Variants in CNTNAP5 observed in about 807,000 individuals in gnomAD.
The protein encoded by CNTNAP5 is contactin-associated protein-like 5.
In CNTNAP5, 72 loss-of-function variants were observed where a neutral mutation model predicts 150.2. The ratio of observed to expected loss-of-function variants is 0.48; its 90% CI spans 0.40 to 0.58. The LOEUF (loss-of-function observed/expected upper bound fraction) is 0.58. Ranked by LOEUF, CNTNAP5 falls within the 20% of genes least tolerant of loss-of-function variation. The pLI is 0.00. For synonymous variants in CNTNAP5, 672 were observed against 619.8 expected, an observed-to-expected ratio of 1.08 and a Z score of -1.25; for missense variants, 1,636 against 1,626.2, an observed-to-expected ratio of 1.01 and a Z score of -0.10.
At chr2:124,392,993 A>G (rs554232269) in intron 3 of CNTNAP5, among the ~76,000 whole-genome samples, 1 of 152,308 alleles carries the variant, frequency 6.6e-6, no homozygotes, top group South Asian at 2.1e-4. Flanking sequence ...TTACTGTGTA[A>G]ACAATTTTTA....
intron 19 of CNTNAP5, among the ~76,000 whole-genome samples, chr2:124,811,245 T>C (rs1433883056): frequency 6.6e-6 from 1 of 151,956 alleles, no homozygotes; most frequent in Admixed American, 6.6e-5. Context: ...AATCAAGAAA[T>C]AACAACATAT....
intron 1 of CNTNAP5, among the ~76,000 whole-genome samples, chr2:124,152,119 G>T (rs973386697): frequency 2.6e-5 from 4 of 152,142 alleles, no homozygotes; most frequent in Admixed American, 1.3e-4. Flanking sequence ...TCTGAGAGAG[G>T]TAAAGCAACT....
intron 3 of CNTNAP5, among the ~76,000 whole-genome samples, chr2:124,347,555 C>G (rs906924862): frequency 2.0e-5 from 3 of 152,160 alleles, no homozygotes; most frequent in Non-Finnish European, 2.9e-5. Context: ...GTTTTATTTC[C>G]AAAATTAAAT....
intron 3 of CNTNAP5, among the ~76,000 whole-genome samples, chr2:124,332,904 C>A (rs925039426): frequency 2.0e-5 from 3 of 151,976 alleles, no homozygotes; most frequent in Admixed American, 6.6e-5. Context: ...GATTATAAAT[C>A]CACATAAACT....
intron 16 of CNTNAP5, among the ~76,000 whole-genome samples, chr2:124,767,444 T>A (rs1469654100): frequency 6.6e-6 from 1 of 152,204 alleles, no homozygotes; most frequent in Non-Finnish European, 1.5e-5. Context: ...TATCTCACAA[T>A]GGCTGTACAG....
intron 13 of CNTNAP5, among the ~76,000 whole-genome samples, chr2:124,655,951 GAA>G (rs1411748384): frequency 3.7e-5 from 4 of 107,646 alleles, no homozygotes; most frequent in African/African-American, 1.2e-4. Context: ...GAGAGAGAAA[GAA>G]AGAAAGAAAG....
Position 124,919,206 on chromosome 2 carries a change from C to T in CNTNAP5, c.*4918C>T, listed in dbSNP as rs772192478. Among the ~76,000 whole-genome samples, 3 of 152,050 alleles carry T rather than the reference C, an allele frequency of 2.0e-5. No homozygotes were observed. Among genetic ancestry groups the T allele is most frequent in the Non-Finnish European group, 4.4e-5 (3 of 68,002 alleles). ...TCTCTTGAACATTCTACATACATATCTGTTTGGTAGGGAGAGAAGCATTCC... is the reference window on the plus strand; with the variant it reads ...TCTCTTGAACATTCTACATACATATTTGTTTGGTAGGGAGAGAAGCATTCC... On this transcript the variant is annotated 3_prime_UTR_variant, in exon 24 of 24. Coordinates refer to ENST00000682447, the MANE Select transcript of CNTNAP5 (RefSeq NM_001367498.1).
intron 13 of CNTNAP5, among the ~76,000 whole-genome samples, chr2:124,655,923 A>AAGAGAG (rs138857798): frequency 6.6e-5 from 7 of 105,932 alleles, no homozygotes; most frequent in East Asian, 4.9e-4. Context: ...GAAAGACAGA[A>AAGAGAG]AGAGAGAGAG....
chr2:124,139,703 C>A (rs1684062687), intron 1 of CNTNAP5, among the ~76,000 whole-genome samples: 1 of 152,078 alleles, frequency 6.6e-6, no homozygotes, highest in Non-Finnish European at 1.5e-5. Flanking sequence ...TACAGATAAG[C>A]CTGTATTTGA....
chr2:124,260,711 T>A (rs753784683), intron 3 of CNTNAP5, among the ~76,000 whole-genome samples: 1 of 152,112 alleles, frequency 6.6e-6, no homozygotes, highest in Admixed American at 6.6e-5. Context: ...ATAAAACAAA[T>A]GGTTTTGGAT....
chr2:124,569,816 A>G (rs1696111575), intron 11 of CNTNAP5, among the ~76,000 whole-genome samples: 1 of 152,230 alleles, frequency 6.6e-6, no homozygotes, highest in African/African-American at 2.4e-5. Context: ...ATTAATTTGA[A>G]GCATATCAAG....
At position 124,770,014 on chromosome 2, in the gene CNTNAP5, A is replaced by G. The variant is rs1395876435; in HGVS notation, c.2534-2785A>G. ...AATTTTACTGATTTTATTGAATTTT[A>G]CTGATTCTAGGAGGTGCAGCTTAAA... On this transcript the variant is annotated intron_variant, in intron 16 of 23. Coordinates refer to ENST00000682447, the MANE Select transcript of CNTNAP5 (RefSeq NM_001367498.1). Among the ~76,000 whole-genome samples, 4 of 152,184 alleles carry G rather than the reference A, an allele frequency of 2.6e-5. No individual in the cohort carries two copies. In the South Asian group the frequency reaches 8.3e-4, roughly 32 times the overall value.
At chr2:124,402,252 C>T (rs748130633) in intron 3 of CNTNAP5, among the ~76,000 whole-genome samples, 10 of 152,172 alleles carry the variant, frequency 6.6e-5, no homozygotes, top group East Asian at 1.9e-4. Flanking sequence ...ACTGGTGGCA[C>T]GGGAGCACAT....
At chr2:124,290,734 T>G (rs1310368487) in intron 3 of CNTNAP5, among the ~76,000 whole-genome samples, 2 of 152,180 alleles carry the variant, frequency 1.3e-5, no homozygotes, top group African/African-American at 4.8e-5. Flanking sequence ...TTTGTCATGG[T>G]GGTCCTATGA....
chr2:124,041,013 C>G (rs528037596), intron 1 of CNTNAP5, among the ~76,000 whole-genome samples: 1 of 152,114 alleles, frequency 6.6e-6, no homozygotes, highest in Non-Finnish European at 1.5e-5. Flanking sequence ...TCTTTCCTAG[C>G]CATGAATGGT....
At chr2:124,407,496 T>G (rs1247472989) in intron 3 of CNTNAP5, among the ~76,000 whole-genome samples, 2 of 152,116 alleles carry the variant, frequency 1.3e-5, no homozygotes, top group Non-Finnish European at 2.9e-5. Context: ...ATCAGTGTAT[T>G]TAACATGGAT....
intron 1 of CNTNAP5, among the ~76,000 whole-genome samples, chr2:124,203,845 T>C (rs1201217919): frequency 5.9e-5 from 9 of 152,190 alleles, no homozygotes; most frequent in African/African-American, 2.2e-4. Flanking sequence ...TCCAGGCCTG[T>C]GATGGAATGG....
rs143051535 is a variant in CNTNAP5 at position 124,345,608 on chromosome 2, G to A, written c.382-71835G>A. On this transcript the variant is annotated intron_variant, in intron 3 of 23. Transcript: ENST00000682447. ...AGAGGTAGATATAACTCTTTCATATGTCTGTCTTTATATTTTCATAGTATC... is the reference window on the plus strand; with the variant it reads ...AGAGGTAGATATAACTCTTTCATATATCTGTCTTTATATTTTCATAGTATC... Among the ~76,000 whole-genome samples, 783 of 152,244 alleles carry A rather than the reference G, an allele frequency of 5.1e-3. 12 individuals carry two copies. Among genetic ancestry groups the A allele is most frequent in the African/African-American group, 0.018 (754 of 41,556 alleles).
intron 1 of CNTNAP5, among the ~76,000 whole-genome samples, chr2:124,103,329 A>G (rs1447556401): frequency 6.6e-6 from 1 of 152,172 alleles, no homozygotes; most frequent in Non-Finnish European, 1.5e-5. Context: ...TTATGATTGA[A>G]GAATAATTTT....
Sources: allele counts gnomAD v4.1 joint callset (sites outside exome capture counted in the v4.1 genomes callset), GRCh38; gene constraint gnomAD v4.1.1; transcripts MANE v1.5; gene names NCBI Gene and HGNC (gene_info 2026-07-23, HGNC 2026-07-21).